The following TEK variants were observed in gnomAD, a reference collection of about 807,000 sequenced individuals.
TEK encodes angiopoietin-1 receptor.
In TEK, 43 loss-of-function variants were observed where a neutral mutation model predicts 131.8. The observed-to-expected ratio is 0.33, with a 90% CI of 0.26 to 0.42. The LOEUF (loss-of-function observed/expected upper bound fraction) is 0.42. TEK is among the 10% of genes least tolerant of loss of function. TEK has a pLI of 1.00. For missense variants in TEK, 1,162 were observed against 1,384.4 expected, an observed-to-expected ratio of 0.84 and a Z score of 2.55; for synonymous variants, 580 against 491.6, an observed-to-expected ratio of 1.18 and a Z score of -2.38.
chr9:27,119,399 T>G (rs1054213523), intron 1 of TEK, among the ~76,000 whole-genome samples: 2 of 152,172 alleles, frequency 1.3e-5, no homozygotes, highest in Non-Finnish European at 2.9e-5. Context: ...TTATTAAGAT[T>G]TGGTTATAAA....
At position 27,191,073 on chromosome 9, in the gene TEK, A is replaced by T. The variant is rs1411973363; in HGVS notation, c.1489+383A>T. ...CCTGCTGGAAGGGCAGAGAGGCTTAATCTGCCTAAATCCTGGGGGTGATTG... is the reference window on the plus strand; with the variant it reads ...CCTGCTGGAAGGGCAGAGAGGCTTATTCTGCCTAAATCCTGGGGGTGATTG... On this transcript the variant is annotated intron_variant, in intron 10 of 22. Transcript: ENST00000380036. Among the ~76,000 whole-genome samples the T allele has an allele frequency of 5.3e-5, 8 of 152,188 alleles. No individual in the cohort carries two copies. In the East Asian group the frequency reaches 1.5e-3, roughly 29 times the overall value.
At chr9:27,222,497 CAGA>C (rs1826126054) in intron 21 of TEK, among the ~76,000 whole-genome samples, 1 of 152,170 alleles carries the variant, frequency 6.6e-6, no homozygotes, top group South Asian at 2.1e-4. Flanking sequence ...GGAAGCCAAA[CAGA>C]CTAACAGTAG....
chr9:27,164,383 A>G (rs1376222745), intron 2 of TEK, among the ~76,000 whole-genome samples: 1 of 148,724 alleles, frequency 6.7e-6, no homozygotes, highest in South Asian at 2.1e-4. Flanking sequence ...GCAGTGGCGC[A>G]ATCTCAGCTC....
chr9:27,207,657 T>C (rs1338772803), intron 15 of TEK, among the ~76,000 whole-genome samples: 1 of 152,180 alleles, frequency 6.6e-6, no homozygotes, highest in African/African-American at 2.4e-5. Context: ...AAATACAGGC[T>C]TGGAATGTGG....
At position 27,185,477 on chromosome 9, in the gene TEK, C is replaced by G; in HGVS notation, c.1183-8C>G. The G allele has an allele frequency of 1.2e-6, 2 of 1,613,446 alleles. No individual in the cohort carries two copies. Among genetic ancestry groups the G allele is most frequent in the Non-Finnish European group, 8.5e-7 (1 of 1,179,612 alleles). ...AAGTTTTTATTTTTTTGTATTTGACCTTTTCAGCCAAAAGACTTTAACCAT... is the reference window on the plus strand; with the variant it reads ...AAGTTTTTATTTTTTTGTATTTGACGTTTTCAGCCAAAAGACTTTAACCAT... On this transcript the variant is annotated splice_region_variant and splice_polypyrimidine_tract_variant and intron_variant, in intron 8 of 22. Coordinates refer to ENST00000380036, the MANE Select transcript of TEK (RefSeq NM_000459.5).
At chr9:27,132,192 A>G (rs1448597583) in intron 1 of TEK, among the ~76,000 whole-genome samples, 1 of 149,674 alleles carries the variant, frequency 6.7e-6, no homozygotes, top group Non-Finnish European at 1.5e-5. Flanking sequence ...GGTTCAAGTG[A>G]TTCTCCTGCC....
intron 1 of TEK, among the ~76,000 whole-genome samples, chr9:27,125,970 C>A (rs1351764339): frequency 6.6e-6 from 1 of 152,146 alleles, no homozygotes; most frequent in South Asian, 2.1e-4. Context: ...GAAAAAAACA[C>A]AGAAACTTGC....
chr9:27,184,066 T>C (rs1420183144), intron 8 of TEK, among the ~76,000 whole-genome samples: 3 of 152,176 alleles, frequency 2.0e-5, no homozygotes, highest in Admixed American at 6.5e-5. Context: ...GGTCCACTCC[T>C]ATTACGCTCT....
chr9:27,164,465 G>A (rs1052865380), intron 2 of TEK, among the ~76,000 whole-genome samples: 4 of 151,728 alleles, frequency 2.6e-5, no homozygotes, highest in African/African-American at 9.7e-5. Context: ...GACTACAGGC[G>A]CCCGCTACCA....
chr9:27,201,668 C>A (rs531376741), intron 12 of TEK, among the ~76,000 whole-genome samples: 1 of 152,018 alleles, frequency 6.6e-6, no homozygotes, highest in Non-Finnish European at 1.5e-5. Context: ...TAAAGAGTAA[C>A]AAGGGGGAGT....
chr9:27,129,926 G>T (rs12336187), intron 1 of TEK, among the ~76,000 whole-genome samples: 1 of 151,972 alleles, frequency 6.6e-6, no homozygotes, highest in Non-Finnish European at 1.5e-5. Context: ...CTCATAGGTA[G>T]GTTTAAGTAT....
intron 1 of TEK, among the ~76,000 whole-genome samples, chr9:27,117,771 C>T (rs1014252291): frequency 2.6e-5 from 4 of 152,214 alleles, no homozygotes; most frequent in African/African-American, 4.8e-5. Flanking sequence ...TTGCTCTCTG[C>T]TTGTCACAGC....
At chr9:27,177,869 T>C (rs1233698265) in intron 6 of TEK, among the ~76,000 whole-genome samples, 4 of 152,252 alleles carry the variant, frequency 2.6e-5, no homozygotes, top group Non-Finnish European at 4.4e-5. Context: ...ATTAACCTCT[T>C]ATCAGGTGTA....
At chr9:27,177,838 C>T (rs545569733) in intron 6 of TEK, among the ~76,000 whole-genome samples, 32 of 152,164 alleles carry the variant, frequency 2.1e-4, no homozygotes, top group South Asian at 4.2e-4. Context: ...AAGTGGTTTG[C>T]GTTCCTTATA....
chr9:27,218,633 A>C (rs1825920879), intron 19 of TEK, 144 bp from the exon 20 acceptor site: 1 of 798,318 alleles, frequency 1.3e-6, no homozygotes, highest in Non-Finnish European at 2.2e-6. Flanking sequence ...AGAAACCTAC[A>C]CTGTGTGCAA....
intron 12 of TEK, among the ~76,000 whole-genome samples, chr9:27,200,979 T>G (rs1210430276): frequency 6.6e-6 from 1 of 152,162 alleles, no homozygotes; most frequent in African/African-American, 2.4e-5. Flanking sequence ...CCCCCCACCA[T>G]GCTACAAATG....
chr9:27,152,596 C>CA (rs1409572279), intron 1 of TEK, among the ~76,000 whole-genome samples: 2 of 136,636 alleles, frequency 1.5e-5, no homozygotes, highest in African/African-American at 2.8e-5. Flanking sequence ...TGAAGCCCCC[C>CA]CGCCGCAAAA....
chr9:27,166,411 C>T (rs904224537), intron 2 of TEK, among the ~76,000 whole-genome samples: 28 of 152,152 alleles, frequency 1.8e-4, no homozygotes, highest in African/African-American at 6.3e-4. Context: ...ACCGTGTTCA[C>T]GGATTTGTCA....
At chr9:27,119,729 C>T (rs1284748163) in intron 1 of TEK, among the ~76,000 whole-genome samples, 1 of 152,180 alleles carries the variant, frequency 6.6e-6, no homozygotes, top group African/African-American at 2.4e-5. Context: ...TGACTGATCA[C>T]GGGCTCTAGG....
Sources: allele counts gnomAD v4.1 joint callset (sites outside exome capture counted in the v4.1 genomes callset), GRCh38; gene constraint gnomAD v4.1.1; transcripts MANE v1.5; gene names NCBI Gene and HGNC (gene_info 2026-07-23, HGNC 2026-07-21).